RELN: variants seen among roughly 807,000 people sequenced by gnomAD.
RELN encodes reelin.
A neutral mutation model predicts 427.6 loss-of-function variants in RELN; 108 were observed. The observed-to-expected ratio is 0.25, with a 90% CI of 0.22 to 0.30. The LOEUF is 0.30. Among genes scored for constraint, RELN ranks in the 10% least tolerant of loss-of-function variants. The pLI, the probability that RELN is intolerant of heterozygous loss-of-function variation, is 1.00. For synonymous variants in RELN, 1,524 were observed against 1,513.4 expected (o/e 1.01, Z -0.16); for missense variants, 3,715 against 4,302.8 (o/e 0.86, Z 3.82).
In RELN at chr7:103,962,646, T is replaced by TTGTGTGTG. The variant is rs57782980; in HGVS notation, c.226+26477_226+26484dup. On this transcript the variant is annotated intron_variant, in intron 1 of 64. Transcript: ENST00000428762. The stretch of plus-strand genomic sequence containing the variant: ...TGTTGGATTTTCCATTCCAAAGTTG[T>TTGTGTGTG]TGTGTGTGTGTGTGTGTGTGTGTGT... 6.8e-3 allele frequency among the ~76,000 whole-genome samples: 1,018 copies of TTGTGTGTG among 149,906 alleles called. 11 individuals are homozygous for TTGTGTGTG. Among genetic ancestry groups the TTGTGTGTG allele is most frequent in the African/African-American group, 0.023 (933 of 40,814 alleles).
intron 2 of RELN, among the ~76,000 whole-genome samples, chr7:103,904,462 A>G (rs1261769730): frequency 2.0e-5 from 3 of 152,148 alleles, no homozygotes; most frequent in Admixed American, 2.0e-4. Flanking sequence ...ACTAACTTAC[A>G]TTCCCACCAA....
Position 103,917,156 on chromosome 7 carries a change from C to T in RELN, c.256G>A (p.Gly86Ser), listed in dbSNP as rs1795501414. The change falls in exon 2 of 65, where the codon GGC becomes AGC. Residue 86 changes from glycine to serine, a missense_variant. By Grantham distance (56) the Gly-to-Ser change is moderately conservative. This residue lies in a region of RELN where 2,208 missense variants were observed against 2,361.7 expected (regional missense o/e 0.93). Transcript: ENST00000428762. ...GTGTATAGTCCTGTCACCAGCAAGC[C>T]GTCAAAAAAGGTGCTTGTTGAAATT... ...VTISTSTFFD[G>S]LLVTGLYTST... The T allele has an allele frequency of 1.9e-6, 3 of 1,612,754 alleles. No individual in the cohort carries two copies. Among genetic ancestry groups the T allele is most frequent in the Admixed American group, 1.7e-5 (1 of 59,856 alleles).
intron 38 of RELN, among the ~76,000 whole-genome samples, chr7:103,554,451 G>C (rs566461292): frequency 2.2e-4 from 33 of 150,558 alleles, no homozygotes; most frequent in Non-Finnish European, 3.8e-4. Context: ...CATGCCTGTA[G>C]TCCCAGCTAT....
chr7:103,741,133 T>A (rs987541256), intron 6 of RELN, among the ~76,000 whole-genome samples: 3 of 152,116 alleles, frequency 2.0e-5, no homozygotes, highest in South Asian at 2.1e-4. Context: ...TGACAAAACA[T>A]GTAGCAAGAA....
chr7:103,833,597 G>A lies in RELN; in HGVS notation c.413C>T (p.Thr138Ile), dbSNP rs1278485258. Reference sequence around the variant, plus strand: ...AATCCAGATGAAACTGAGGTTGGTTGTGGGCAGGTGACTCACGTGAGAGGC... The same window carrying A: ...AATCCAGATGAAACTGAGGTTGGTTATGGGCAGGTGACTCACGTGAGAGGC... The part of the protein sequence containing the change: ...VVASHVSHLP[T>I]TNLSFIWIAP... Residue 138 changes from threonine (T) to isoleucine (I), a missense_variant, in exon 3 of 65, where the codon ACA becomes ATA. Around this residue, in one of 4 missense-constraint regions of RELN, gnomAD observed 2,208 missense variants for 2,361.7 expected, o/e 0.93. Transcript: ENST00000428762. The A allele has an allele frequency of 1.2e-6, 2 of 1,613,948 alleles. No homozygotes were observed. Among genetic ancestry groups the A allele is most frequent in the East Asian group, 2.2e-5 (1 of 44,864 alleles).
intron 6 of RELN, among the ~76,000 whole-genome samples, chr7:103,744,163 A>G (rs972820855): frequency 3.3e-5 from 5 of 152,200 alleles, no homozygotes; most frequent in African/African-American, 1.2e-4. Context: ...CTGAATGACT[A>G]CTGGGTAAAT....
At chr7:103,984,681 C>G (rs1169162169) in intron 1 of RELN, among the ~76,000 whole-genome samples, 1 of 152,006 alleles carries the variant, frequency 6.6e-6, no homozygotes, top group Non-Finnish European at 1.5e-5. Flanking sequence ...CTCTAAAATG[C>G]CCAATTTTCA....
At chr7:103,644,261 A>T (rs1832751914) in intron 16 of RELN, among the ~76,000 whole-genome samples, 1 of 151,874 alleles carries the variant, frequency 6.6e-6, no homozygotes, top group Admixed American at 6.6e-5. Flanking sequence ...ACCAAAATGA[A>T]ATCCTTGAAA....
At chr7:103,594,596 G>A (rs1831495935) in intron 25 of RELN, 104 bp from the exon 26 acceptor site, 1 of 1,233,478 alleles carries the variant, frequency 8.1e-7, no homozygotes, top group Admixed American at 1.9e-5. Context: ...AGTTTTGTTT[G>A]GTTTGATCTC....
intron 1 of RELN, among the ~76,000 whole-genome samples, chr7:103,941,054 G>T (rs1449950242): frequency 6.6e-6 from 1 of 152,138 alleles, no homozygotes; most frequent in African/African-American, 2.4e-5. Flanking sequence ...CTCCCTGGAT[G>T]TTATTACCCC....
At chr7:103,972,620 C>A (rs1796787034) in intron 1 of RELN, among the ~76,000 whole-genome samples, 1 of 151,930 alleles carries the variant, frequency 6.6e-6, no homozygotes, top group Non-Finnish European at 1.5e-5. Context: ...AATAGAGGGG[C>A]CATCATCCAT....
intron 6 of RELN, among the ~76,000 whole-genome samples, chr7:103,734,266 C>A (rs1390512928): frequency 6.6e-6 from 1 of 152,124 alleles, no homozygotes; most frequent in Non-Finnish European, 1.5e-5. Context: ...AAACAGACTT[C>A]TGTTGTTCAA....
intron 7 of RELN, among the ~76,000 whole-genome samples, chr7:103,727,637 G>A (rs536188272): frequency 1.3e-5 from 2 of 152,088 alleles, no homozygotes; most frequent in African/African-American, 4.8e-5. Context: ...TAAAAAACTG[G>A]TTTATTCAGC....
intron 1 of RELN, among the ~76,000 whole-genome samples, chr7:103,935,576 T>C (rs1025756442): frequency 4.6e-5 from 7 of 152,140 alleles, no homozygotes; most frequent in Non-Finnish European, 1.0e-4. Flanking sequence ...TGCAGCATCT[T>C]ACATGCCATC....
chr7:103,844,906 T>C (rs990978817), intron 2 of RELN, among the ~76,000 whole-genome samples: 2 of 152,186 alleles, frequency 1.3e-5, no homozygotes, highest in African/African-American at 2.4e-5. Context: ...AATAGGTAAA[T>C]GAGCTGGAGA....
At chr7:103,763,391 T>A (rs1791350800) in intron 4 of RELN, among the ~76,000 whole-genome samples, 1 of 152,180 alleles carries the variant, frequency 6.6e-6, no homozygotes, top group South Asian at 2.1e-4. Flanking sequence ...GTTCTGGGAA[T>A]GTAAAAATGA....
chr7:103,775,350 T>C (rs1791712066), intron 4 of RELN, among the ~76,000 whole-genome samples: 1 of 152,176 alleles, frequency 6.6e-6, no homozygotes. Flanking sequence ...ATAACTAGAA[T>C]GAAGTTTTAT....
chr7:103,535,226 A>G (rs1027781650), intron 46 of RELN, 90 bp downstream of exon 46: 10 of 1,235,054 alleles, frequency 8.1e-6, no homozygotes, highest in Middle Eastern at 1.9e-4. Flanking sequence ...AAACCCTCAC[A>G]TATCTCATTA....
At chr7:103,498,577 T>G (rs895073333) in intron 53 of RELN, among the ~76,000 whole-genome samples, 2 of 152,122 alleles carry the variant, frequency 1.3e-5, no homozygotes, top group African/African-American at 4.8e-5. Context: ...CTGCAGCCTC[T>G]GCCTCCCGGG....
Sources: allele counts gnomAD v4.1 joint callset (sites outside exome capture counted in the v4.1 genomes callset), GRCh38; gene constraint gnomAD v4.1.1; regional missense constraint gnomAD v4.1.1; transcripts MANE v1.5; gene names NCBI Gene and HGNC (gene_info 2026-07-23, HGNC 2026-07-21).